CSMD1: variants seen among roughly 807,000 people sequenced by gnomAD.
CSMD1 encodes the protein CUB and sushi domain-containing protein 1.
In CSMD1, 213 loss-of-function variants were observed where a neutral mutation model predicts 417.5. That is an observed-to-expected ratio of 0.51 (90% CI 0.46 to 0.57). The LOEUF is 0.57. Ranked by LOEUF, CSMD1 falls within the 20% of genes least tolerant of loss-of-function variation. The probability of loss-of-function intolerance (pLI) is 0.00; values close to 1 mark genes in which losing one functional copy is unlikely to be tolerated. For missense variants in CSMD1, 6,923 were observed against 4,529.7 expected, an observed-to-expected ratio of 1.53 and a Z score of -15.17; for synonymous variants, 2,862 against 1,736.8, an observed-to-expected ratio of 1.65 and a Z score of -16.11.
At chr8:4,410,138 A>C (rs1796568885) in intron 3 of CSMD1, among the ~76,000 whole-genome samples, 1 of 152,184 alleles carries the variant, frequency 6.6e-6, no homozygotes. Context: ...CTTTGAAGCC[A>C]TCTTCTAGGC....
intron 4 of CSMD1, among the ~76,000 whole-genome samples, chr8:3,999,098 CAT>C (rs1308079447): frequency 5.3e-5 from 8 of 150,850 alleles, no homozygotes; most frequent in Non-Finnish European, 7.4e-5. Context: ...TTTAAAATAA[CAT>C]GTTTTAAAGC....
chr8:4,133,861 A>G (rs565684296), intron 3 of CSMD1, among the ~76,000 whole-genome samples: 2 of 152,290 alleles, frequency 1.3e-5, no homozygotes, highest in African/African-American at 4.8e-5. Context: ...AGGGTTACAC[A>G]TATAAAGACA....
At chr8:4,799,535 G>A (rs914666948) in intron 1 of CSMD1, among the ~76,000 whole-genome samples, 1 of 142,048 alleles carries the variant, frequency 7.0e-6, no homozygotes, top group Non-Finnish European at 1.5e-5. Context: ...GGAGGCGGAG[G>A]TTGCAGTGAG....
chr8:4,032,896 C>T (rs1396239641), intron 3 of CSMD1, among the ~76,000 whole-genome samples: 2 of 152,056 alleles, frequency 1.3e-5, no homozygotes, highest in African/African-American at 2.4e-5. Flanking sequence ...TGGGATGGGG[C>T]AGTCAGACAT....
chr8:4,768,330 A>G (rs1481672588), intron 1 of CSMD1, among the ~76,000 whole-genome samples: 2 of 152,008 alleles, frequency 1.3e-5, no homozygotes, highest in Non-Finnish European at 2.9e-5. Context: ...TGATCGTAAC[A>G]TGAGCCGGTA....
chr8:4,357,980 T>C (rs1393840917), intron 3 of CSMD1, among the ~76,000 whole-genome samples: 2 of 152,124 alleles, frequency 1.3e-5, no homozygotes, highest in Non-Finnish European at 1.5e-5. Flanking sequence ...CAGTTTAAGA[T>C]GTATAATAAA....
intron 55 of CSMD1, among the ~76,000 whole-genome samples, chr8:2,978,071 T>C (rs188812315): frequency 6.6e-6 from 1 of 152,256 alleles, no homozygotes; most frequent in Admixed American, 6.5e-5. Flanking sequence ...ATCCCACTAC[T>C]GGGTATATAC....
At chr8:3,552,801 C>A (rs572828454) in intron 10 of CSMD1, among the ~76,000 whole-genome samples, 1 of 151,946 alleles carries the variant, frequency 6.6e-6, no homozygotes, top group Non-Finnish European at 1.5e-5. Context: ...AGACTAAGAA[C>A]CATTTTCATT....
intron 2 of CSMD1, among the ~76,000 whole-genome samples, chr8:4,621,177 T>G (rs951890634): frequency 3.3e-5 from 5 of 152,082 alleles, no homozygotes; most frequent in African/African-American, 1.2e-4. Flanking sequence ...TATGCAGACC[T>G]ATAAATAATG....
chr8:3,828,890 G>A (rs1802208757), intron 5 of CSMD1, among the ~76,000 whole-genome samples: 2 of 152,062 alleles, frequency 1.3e-5, no homozygotes, highest in Admixed American at 6.6e-5. Flanking sequence ...CCAACCCCAT[G>A]TTCACTGTAG....
chr8:3,762,584 C>G (rs1311282312), intron 5 of CSMD1, among the ~76,000 whole-genome samples: 2 of 152,326 alleles, frequency 1.3e-5, no homozygotes, highest in East Asian at 3.9e-4. Flanking sequence ...AGCCATGTAG[C>G]CATAACATGG....
intron 1 of CSMD1, among the ~76,000 whole-genome samples, chr8:4,851,070 G>C (rs990816024): frequency 6.6e-6 from 1 of 151,626 alleles, no homozygotes; most frequent in Non-Finnish European, 1.5e-5. Context: ...TTTAGCATGA[G>C]GTATATCTCC....
chr8:2,997,527 C>A (rs1807017218), intron 54 of CSMD1, among the ~76,000 whole-genome samples: 1 of 152,158 alleles, frequency 6.6e-6, no homozygotes, highest in Non-Finnish European at 1.5e-5. Flanking sequence ...AAATCTTAAA[C>A]ATCATGAGCT....
intron 1 of CSMD1, among the ~76,000 whole-genome samples, chr8:4,850,382 C>CTTTTTTTT: frequency 8.7e-4 from 68 of 77,792 alleles, no homozygotes; most frequent in African/African-American, 1.1e-3. Context: ...TCCAATTTAT[C>CTTTTTTTT]TTTTTTTTTT....
intron 40 of CSMD1, among the ~76,000 whole-genome samples, chr8:3,144,846 G>A (rs1818743773): frequency 6.7e-6 from 1 of 150,082 alleles, no homozygotes; most frequent in South Asian, 2.1e-4. Flanking sequence ...AGGGGGTCCA[G>A]GGGCTCCTGT....
At chr8:2,999,898 A>G in intron 53 of CSMD1, 60 bp downstream of exon 53, 5 of 1,473,488 alleles carry the variant, frequency 3.4e-6, no homozygotes, top group Non-Finnish European at 4.6e-6. Context: ...TGACCTAATA[A>G]CAAAAGACAA....
chr8:4,331,147 C>T (rs1046217100), intron 3 of CSMD1, among the ~76,000 whole-genome samples: 1 of 152,084 alleles, frequency 6.6e-6, no homozygotes, highest in African/African-American at 2.4e-5. Flanking sequence ...CCGAACTATC[C>T]TCCCCAAATT....
At chr8:4,608,196 C>G (rs988890476) in intron 2 of CSMD1, among the ~76,000 whole-genome samples, 3 of 152,146 alleles carry the variant, frequency 2.0e-5, no homozygotes, top group African/African-American at 7.2e-5. Context: ...AGTTTGACTT[C>G]TACTCCAAAG....
At chr8:4,695,375 G>A (rs1342915403) in intron 1 of CSMD1, among the ~76,000 whole-genome samples, 2 of 152,170 alleles carry the variant, frequency 1.3e-5, no homozygotes, top group African/African-American at 4.8e-5. Flanking sequence ...CTGTTCACAT[G>A]TGTTATTTAC....
Sources: gnomAD v4.1 joint callset for allele counts (sites outside exome capture counted in the v4.1 genomes callset) on GRCh38, gnomAD v4.1.1 for gene constraint, MANE v1.5 for transcripts, NCBI Gene and HGNC (gene_info 2026-07-23, HGNC 2026-07-21) for gene names.